DHX30: variants seen among roughly 807,000 people sequenced by gnomAD.
The protein encoded by DHX30 is ATP-dependent RNA helicase DHX30.
A neutral mutation model predicts 116.9 loss-of-function variants in DHX30; 4 were observed. The ratio of observed to expected loss-of-function variants is 0.03; its 90% CI spans 0.02 to 0.08. DHX30 has a LOEUF of 0.08. Ranked by LOEUF, DHX30 falls within the 10% of genes least tolerant of loss-of-function variation. The probability of loss-of-function intolerance (pLI) is 1.00; values close to 1 mark genes in which losing one functional copy is unlikely to be tolerated. For missense variants in DHX30, 871 were observed against 1,595.1 expected (o/e 0.55, Z 7.73); for synonymous variants, 697 against 651.7 (o/e 1.07, Z -1.06).
chr3:47,850,156 A>G lies in DHX30; in HGVS notation c.*36A>G. The G allele has an allele frequency of 1.3e-6, 2 of 1,530,828 alleles. No homozygotes were observed. Among genetic ancestry groups the G allele is most frequent in the Non-Finnish European group, 1.8e-6 (2 of 1,138,986 alleles). The allele number at this position is 1,530,828 out of a possible 1,614,324, so 94.8% of individuals were successfully genotyped here. A position where few individuals can be genotyped will look rare whatever the true frequency, so the allele number is the denominator to read the frequency against. Reference sequence around the variant, plus strand: ...TGCTGGGGCTGTGTACAGAGTGCAAATGTTTATTTAAAATAAAGTTCTATT... The same window carrying G: ...TGCTGGGGCTGTGTACAGAGTGCAAGTGTTTATTTAAAATAAAGTTCTATT... On this transcript the variant is annotated 3_prime_UTR_variant, in exon 22 of 22. Transcript: ENST00000445061.
rs1192369773 is a variant in DHX30, at chr3:47,827,481, ACT to A, written c.255+7_255+8del. 2.5e-6 allele frequency: 4 copies of A among 1,608,464 alleles called. No homozygotes were observed. In the East Asian group the frequency reaches 6.7e-5, roughly 27 times the overall value. ...CACAAATGGACCGAAGAAAAAGGTA[ACT>A]CTGCTGGTGGCAAGGAAAAACATTG... On this transcript the variant is annotated splice_donor_5th_base_variant and intron_variant, in intron 5 of 21. Coordinates refer to ENST00000445061, the MANE Select transcript of DHX30 (RefSeq NM_138615.3).
chr3:47,828,398 T>C (rs1292335680), intron 5 of DHX30, among the ~76,000 whole-genome samples: 3 of 145,064 alleles, frequency 2.1e-5, no homozygotes, highest in Admixed American at 1.4e-4. Flanking sequence ...AGGTTGAGGC[T>C]GCAGTAAGCT....
intron 3 of DHX30, among the ~76,000 whole-genome samples, chr3:47,812,271 T>A (rs1010130626): frequency 6.6e-6 from 1 of 150,424 alleles, no homozygotes; most frequent in African/African-American, 2.4e-5. Context: ...CAGGATCTCA[T>A]GAGAGGCTGG....
rs556440016 is a variant in DHX30, at chr3:47,848,163, C to T, written c.2287-17C>T. ...GGAAGTGGCATTTGTGTGCTGCTTA[C>T]TTGCCACCTCCTCCAGGTGTCCTGC... On this transcript the variant is annotated splice_polypyrimidine_tract_variant and intron_variant, in intron 14 of 21. Coordinates refer to ENST00000445061, the MANE Select transcript of DHX30 (RefSeq NM_138615.3). The surrounding 1 kb of genome is among the most constrained non-coding windows in gnomAD (Gnocchi z 9.4). 24 of 1,613,246 alleles carry T rather than the reference C, an allele frequency of 1.5e-5. No individual in the cohort carries two copies. In the African/African-American group the frequency reaches 2.5e-4, roughly 17 times the overall value.
intron 4 of DHX30, among the ~76,000 whole-genome samples, chr3:47,823,996 C>CTTTTTTTTTT (rs759550719): frequency 4.0e-5 from 4 of 100,368 alleles, no homozygotes; most frequent in Non-Finnish European, 3.9e-5. Context: ...TTTTCTTTTC[C>CTTTTTTTTTT]TTTTTTTTTT....
At chr3:47,833,692 T>C in intron 6 of DHX30, among the ~76,000 whole-genome samples, 1 of 151,332 alleles carries the variant, frequency 6.6e-6, no homozygotes, top group Non-Finnish European at 1.5e-5. Flanking sequence ...ACCCTGTCGC[T>C]ACTAGAAATA....
chr3:47,811,711 C>T (rs1388849464), intron 3 of DHX30, among the ~76,000 whole-genome samples: 7 of 151,972 alleles, frequency 4.6e-5, no homozygotes, highest in Non-Finnish European at 7.4e-5. Context: ...CGGGAGCAGG[C>T]GTGTCACGTG....
chr3:47,808,428 G>A (rs767020375), intron 2 of DHX30, among the ~76,000 whole-genome samples: 5 of 151,938 alleles, frequency 3.3e-5, no homozygotes, highest in Non-Finnish European at 7.4e-5. Flanking sequence ...ATGTTGCCCA[G>A]GCTGGTCTTG....
chr3:47,808,033 C>T (rs899301079), intron 2 of DHX30, among the ~76,000 whole-genome samples: 3 of 152,070 alleles, frequency 2.0e-5, no homozygotes, highest in Non-Finnish European at 2.9e-5. Flanking sequence ...GCCTCAGCCT[C>T]CCACGTAGTT....
chr3:47,849,700 G>A lies in DHX30; in HGVS notation c.3262G>A (p.Val1088Ile), dbSNP rs368476953. Reference sequence around the variant, plus strand: ...AGTCAAGTCCAATGGCAGCGTCTTCGTCCGGGACTCCTCTCAGGTGCACCC... The same window carrying A: ...AGTCAAGTCCAATGGCAGCGTCTTCATCCGGGACTCCTCTCAGGTGCACCC... The part of the protein sequence containing the change: ...MAVKSNGSVF[V>I]RDSSQVHPLA... The change falls in exon 21 of 22, where the codon GTC becomes ATC. Residue 1088 changes from valine (V) to isoleucine (I), a missense_variant. Around this residue, in one of 13 missense-constraint regions of DHX30, gnomAD observed 238 missense variants for 481.0 expected, o/e 0.49. Coordinates refer to ENST00000445061, the MANE Select transcript of DHX30 (RefSeq NM_138615.3). 1.2e-6 allele frequency: 2 copies of A among 1,614,136 alleles called. No homozygotes were observed. Among genetic ancestry groups the A allele is most frequent in the Non-Finnish European group, 1.7e-6 (2 of 1,180,034 alleles).
At position 47,846,507 on chromosome 3, in the gene DHX30, G is replaced by A; in HGVS notation, c.1435G>A (p.Gly479Ser). The A allele has an allele frequency of 2.5e-6, 4 of 1,614,052 alleles. No homozygotes were observed. In the South Asian group the frequency reaches 4.4e-5, roughly 18 times the overall value. ...GTTGCTGGAGCGCTATGTGACCGAG[G>A]GCCGAGGTGCCCGCTGCAATGTTAT... ...QLLLERYVTE[G>S]RGARCNVIIT... The change falls in exon 11 of 22, where the codon GGC (glycine) becomes AGC (serine). Residue 479 changes from glycine (G) to serine (S), a missense_variant. By Grantham distance (56) the Gly-to-Ser change is moderately conservative. Transcript: ENST00000445061.
At position 47,846,444 on chromosome 3, in the gene DHX30, G is replaced by T; in HGVS notation, c.1372G>T (p.Asp458Tyr). The T allele has an allele frequency of 6.2e-7, 1 of 1,614,132 alleles. No homozygotes were observed. Among genetic ancestry groups the T allele is most frequent in the Non-Finnish European group, 8.5e-7 (1 of 1,180,050 alleles). ...GCACCCGGTGGTGGTCATCTCTGGG[G>T]ACACGGGCTGTGGGAAGACCACGCG... is the stretch of plus-strand genomic sequence containing the variant. ...EQHPVVVISG[D>Y]TGCGKTTRIP... Residue 458 changes from aspartate (D) to tyrosine (Y), a missense_variant, in exon 11 of 22, where the codon GAC (aspartate) becomes TAC (tyrosine). Transcript: ENST00000445061.
Position 47,849,887 on chromosome 3 carries a change from A to G in DHX30, c.3352A>G (p.Ile1118Val). The change falls in exon 22 of 22, where the codon ATC (isoleucine) becomes GTC (valine). Residue 1118 changes from isoleucine to valine, a missense_variant. Around this residue, in one of 13 missense-constraint regions of DHX30, gnomAD observed 238 missense variants for 481.0 expected, o/e 0.49. Coordinates refer to ENST00000445061, the MANE Select transcript of DHX30 (RefSeq NM_138615.3). Reference protein sequence around the residue: ...HIRDDGRRATISLSDSDLLRL... With the variant: ...HIRDDGRRATVSLSDSDLLRL... Reference sequence around the variant, plus strand: ...CTCAGATGACGGGCGCCGGGCCACCATCTCACTGAGCGACAGTGACCTGCT... The same window carrying G: ...CTCAGATGACGGGCGCCGGGCCACCGTCTCACTGAGCGACAGTGACCTGCT... 1 of 1,613,164 alleles carries G rather than the reference A, an allele frequency of 6.2e-7. No homozygotes were observed. The highest frequency in any genetic ancestry group is 8.5e-7 in the Non-Finnish European group (1 of 1,179,454).
At chr3:47,835,121 A>C (rs2037043766) in intron 6 of DHX30, among the ~76,000 whole-genome samples, 1 of 151,156 alleles carries the variant, frequency 6.6e-6, no homozygotes, top group Admixed American at 6.6e-5. Flanking sequence ...CTCCTGCCTC[A>C]GCCTCCCGAG....
rs763656660 is a variant in DHX30 at position 47,841,018 on chromosome 3, C to G, written c.508C>G (p.Pro170Ala). 2.5e-6 allele frequency: 4 copies of G among 1,614,194 alleles called. No individual in the cohort carries two copies. The highest frequency in any genetic ancestry group is 3.4e-6 in the Non-Finnish European group (4 of 1,180,038). ...CCCTACTTCCTGGCGGCAGCTGAATCCAGAGAGTATTCGACCAGGGGGACC... is the reference window on the plus strand; with the variant it reads ...CCCTACTTCCTGGCGGCAGCTGAATGCAGAGAGTATTCGACCAGGGGGACC... The part of the protein sequence containing the change: ...MPPTSWRQLN[P>A]ESIRPGGPGG... Residue 170 changes from proline (P) to alanine (A), a missense_variant, in exon 7 of 22, where the codon CCA becomes GCA. Around this residue, in one of 13 missense-constraint regions of DHX30, gnomAD observed 109 missense variants for 118.8 expected, o/e 0.92. Transcript: ENST00000445061.
intron 9 of DHX30, 71 bp from the exon 10 acceptor site, chr3:47,845,629 T>A: frequency 7.1e-7 from 1 of 1,409,774 alleles, no homozygotes; most frequent in East Asian, 2.5e-5. Flanking sequence ...GCGTTGGAGC[T>A]CCTGAGCTTG....
In DHX30 at chr3:47,848,204, G is replaced by A; in HGVS notation, c.2311G>A (p.Val771Ile). The change falls in exon 15 of 22, where the codon GTA (valine) becomes ATA (isoleucine). Residue 771 changes from valine (V) to isoleucine (I), a missense_variant. By Grantham distance (29) the Val-to-Ile change is conservative (BLOSUM62 3). Around this residue, in one of 13 missense-constraint regions of DHX30, gnomAD observed 20 missense variants for 82.2 expected, o/e 0.24. Coordinates refer to ENST00000445061, the MANE Select transcript of DHX30 (RefSeq NM_138615.3). This position sits in a 1 kb window ranked among gnomAD's most constrained non-coding sequence, Gnocchi z 9.4. ...GGTGTCCTGCCTGGAGACAGTGTGG[G>A]TATCAAGAGCCAATGTGATCCAGCG... ...TKVSCLETVW[V>I]SRANVIQRRG... The A allele has an allele frequency of 1.2e-6, 2 of 1,613,730 alleles. No homozygotes were observed. The highest frequency in any genetic ancestry group is 2.2e-5 in the East Asian group (1 of 44,884).
In DHX30 at chr3:47,849,086, C is replaced by G. The variant is rs190126898; in HGVS notation, c.2929+7C>G. On this transcript the variant is annotated splice_region_variant and intron_variant, in intron 18 of 21. Coordinates refer to ENST00000445061, the MANE Select transcript of DHX30 (RefSeq NM_138615.3). ...AGCCTGCGCTTCATCCACGGTCAGT[C>G]GGGCCCACACCTGCTCTCCTGAGCC... 1 of 1,609,580 alleles carries G rather than the reference C, an allele frequency of 6.2e-7. No individual in the cohort carries two copies. Among genetic ancestry groups the G allele is most frequent in the African/African-American group, 1.3e-5 (1 of 74,958 alleles).
intron 4 of DHX30, among the ~76,000 whole-genome samples, chr3:47,823,115 G>GAAAGA (rs2036372320): frequency 6.8e-6 from 1 of 147,782 alleles, no homozygotes; most frequent in Non-Finnish European, 1.5e-5. Flanking sequence ...AAAAAGAAAA[G>GAAAGA]AAAGAAAAGA....
Sources: gnomAD v4.1 joint callset for allele counts (sites outside exome capture counted in the v4.1 genomes callset) on GRCh38, gnomAD v4.1.1 for gene constraint, gnomAD v4.1.1 regional missense constraint, Gnocchi (gnomAD v3.1) non-coding constraint, MANE v1.5 for transcripts, NCBI Gene and HGNC (gene_info 2026-07-23, HGNC 2026-07-21) for gene names.